Variants in ZNF469 observed in about 807,000 individuals in gnomAD.
ZNF469 encodes zinc finger protein 469.
A neutral mutation model predicts 1.0 loss-of-function variants in ZNF469; 1 was observed. The observed-to-expected ratio is 1.00, with a 90% confidence interval of 0.35 to 4.73. The LOEUF is 4.73. ZNF469 is among the 30% of genes most tolerant of loss of function. The pLI, the probability that ZNF469 is intolerant of heterozygous loss-of-function variation, is 0.16. For missense variants in ZNF469, 6,100 were observed against 5,356.3 expected (o/e 1.14, Z -4.33); for synonymous variants, 2,703 against 2,363.4 (o/e 1.14, Z -4.17).
At chr16:88,183,325 C>T in the ZNF469 span, among the ~76,000 whole-genome samples, 1 of 152,184 alleles carries the variant, frequency 6.6e-6, no homozygotes. Context: ...AATGAAACTG[C>T]ACGTCCCCAC....
chr16:88,321,682 T>C, the ZNF469 span, among the ~76,000 whole-genome samples: 1 of 152,142 alleles, frequency 6.6e-6, no homozygotes, highest in Non-Finnish European at 1.5e-5. Context: ...CCTCACCTGA[T>C]TGGTGTGGCC....
At chr16:88,263,694 G>A in the ZNF469 span, among the ~76,000 whole-genome samples, 8 of 152,242 alleles carry the variant, frequency 5.3e-5, no homozygotes, top group Admixed American at 5.2e-4. Flanking sequence ...CAGAGGACCC[G>A]TAGCCCCTTG....
the ZNF469 span, among the ~76,000 whole-genome samples, chr16:88,302,213 C>T: frequency 5.9e-5 from 9 of 152,282 alleles, no homozygotes; most frequent in South Asian, 8.3e-4. Context: ...GGTTACCTGC[C>T]GTCTGACCCG....
intron 1 of ZNF469, among the ~76,000 whole-genome samples, chr16:88,385,357 C>G (rs1047426733): frequency 6.6e-6 from 1 of 152,048 alleles, no homozygotes; most frequent in African/African-American, 2.4e-5. Flanking sequence ...AATTCAGTTA[C>G]CAGCCGGGGA....
chr16:88,414,760 C>A (rs888198972), intron 1 of ZNF469, among the ~76,000 whole-genome samples: 1 of 152,250 alleles, frequency 6.6e-6, no homozygotes, highest in Admixed American at 6.5e-5. Flanking sequence ...AGTGCCCGGG[C>A]GGCACAGGGC....
chr16:88,439,775 G>A lies in ZNF469; in HGVS notation c.*443G>A, dbSNP rs1203825069. 4.2e-6 allele frequency: 1 copy of A among 239,114 alleles called. No homozygotes were observed. Among genetic ancestry groups the A allele is most frequent in the Non-Finnish European group, 8.2e-6 (1 of 121,474 alleles). The allele number at this position is 239,114 out of a possible 1,614,324, so 14.8% of individuals were successfully genotyped here. On this transcript the variant is annotated 3_prime_UTR_variant, in exon 3 of 3. Coordinates refer to ENST00000565624, the MANE Select transcript of ZNF469 (RefSeq NM_001367624.2). ...TAGGTTCCCTCTTAGTCTTGCTGCT[G>A]TTGCTGGAATTCCAAAGTGACCTTA...
At position 88,429,334 on chromosome 16, in the gene ZNF469, G is replaced by A. The variant is rs1464836346; in HGVS notation, c.1864G>A (p.Glu622Lys). The change falls in exon 3 of 3, where the codon GAA becomes AAA. Residue 622 changes from glutamate (E) to lysine (K), a missense_variant. Physicochemically the swap from Glu to Lys is moderately conservative, Grantham distance 56. Coordinates refer to ENST00000565624, the MANE Select transcript of ZNF469 (RefSeq NM_001367624.2). ...SSSPANPSSE[E>K]SQLPGPLGPS... is the part of the protein sequence containing the mutation. ...CAGCCCAGCCAACCCCAGCTCAGAGGAAAGCCAGCTCCCCGGCCCCCTCGG... is the reference window on the plus strand; with the variant it reads ...CAGCCCAGCCAACCCCAGCTCAGAGAAAAGCCAGCTCCCCGGCCCCCTCGG... 1.9e-6 allele frequency: 3 copies of A among 1,549,934 alleles called. No homozygotes were observed. The highest frequency in any genetic ancestry group is 1.2e-5 in the South Asian group (1 of 84,062).
rs929500436 is a variant in ZNF469, at chr16:88,429,946, C to G, written c.2476C>G (p.Pro826Ala). 6.5e-7 allele frequency: 1 copy of G among 1,550,178 alleles called. No homozygotes were observed. The highest frequency in any genetic ancestry group is 2.0e-5 in the Admixed American group (1 of 50,994). The part of the protein sequence containing the change: ...FLPSLAATPF[P>A]LPASDLDMED... ...GCCCAGCCTGGCCGCCACCCCCTTC[C>G]CGCTCCCTGCCTCGGACCTGGACAT... Residue 826 changes from proline to alanine, a missense_variant, in exon 3 of 3, where the codon CCG (proline) becomes GCG (alanine). Physicochemically the swap from Pro to Ala is conservative, Grantham distance 27. Coordinates refer to ENST00000565624, the MANE Select transcript of ZNF469 (RefSeq NM_001367624.2).
the ZNF469 span, among the ~76,000 whole-genome samples, chr16:88,349,808 C>A: frequency 0.044 from 86 of 1,972 alleles, no homozygotes; most frequent in East Asian, 0.11. Context: ...ACATTACACA[C>A]ATCACAAATG....
chr16:88,364,452 A>G, the ZNF469 span, among the ~76,000 whole-genome samples: 1 of 148,730 alleles, frequency 6.7e-6, no homozygotes, highest in South Asian at 2.2e-4. Context: ...GCTTTTCCAC[A>G]CAAATTCTAG....
At chr16:88,186,686 G>C in the ZNF469 span, among the ~76,000 whole-genome samples, 7 of 152,198 alleles carry the variant, frequency 4.6e-5, no homozygotes, top group Non-Finnish European at 1.0e-4. Context: ...AGTCGCACAC[G>C]GGGCTTCTGA....
the ZNF469 span, among the ~76,000 whole-genome samples, chr16:88,185,704 C>G: frequency 2.0e-5 from 3 of 151,360 alleles, no homozygotes; most frequent in Admixed American, 6.6e-5. Context: ...CGCACACTCA[C>G]ACACGTGAAT....
At chr16:88,254,679 T>C in the ZNF469 span, among the ~76,000 whole-genome samples, 2 of 152,080 alleles carry the variant, frequency 1.3e-5, no homozygotes, top group Admixed American at 1.3e-4. Flanking sequence ...AATTGCTTGA[T>C]CCTGGGAGGC....
the ZNF469 span, among the ~76,000 whole-genome samples, chr16:88,113,655 A>T: frequency 6.6e-6 from 1 of 152,214 alleles, no homozygotes; most frequent in Non-Finnish European, 1.5e-5. Context: ...TCGCAGCTGA[A>T]GGGCCTATCG....
the ZNF469 span, among the ~76,000 whole-genome samples, chr16:88,224,467 G>T: frequency 2.0e-5 from 3 of 152,312 alleles, no homozygotes; most frequent in East Asian, 3.9e-4. Context: ...CTGTTTCATG[G>T]TCCCCAGCAA....
At chr16:88,366,133 A>C in the ZNF469 span, among the ~76,000 whole-genome samples, 1 of 151,188 alleles carries the variant, frequency 6.6e-6, no homozygotes. Flanking sequence ...CATCACCATC[A>C]TCATCACCAT....
chr16:88,305,558 T>A, the ZNF469 span, among the ~76,000 whole-genome samples: 4 of 76,898 alleles, frequency 5.2e-5, no homozygotes, highest in Non-Finnish European at 8.0e-5. Context: ...GTGCACACCC[T>A]CACACGTGCA....
chr16:88,195,676 G>A, the ZNF469 span, among the ~76,000 whole-genome samples: 14 of 152,344 alleles, frequency 9.2e-5, no homozygotes, highest in South Asian at 4.1e-4. Context: ...GCAGATGGAC[G>A]TTTGAAGAAA....
rs1567512989 is a variant in ZNF469, at chr16:88,432,258, G to C, written c.4788G>C (p.Arg1596Ser). 6.5e-7 allele frequency: 1 copy of C among 1,547,902 alleles called. No homozygotes were observed. The highest frequency in any genetic ancestry group is 2.4e-5 in the East Asian group (1 of 40,906). ...RELAEAESVG[R>S]VELGTGTEPP... ...TTGCAGAAGCTGAGTCGGTGGGCAG[G>C]GTGGAGCTCGGCACAGGCACAGAGC... The change falls in exon 3 of 3, where the codon AGG (arginine) becomes AGC (serine). Residue 1596 changes from arginine to serine, a missense_variant. Coordinates refer to ENST00000565624, the MANE Select transcript of ZNF469 (RefSeq NM_001367624.2).
Sources: allele counts gnomAD v4.1 joint callset (sites outside exome capture counted in the v4.1 genomes callset), GRCh38; gene constraint gnomAD v4.1.1; transcripts MANE v1.5; gene names NCBI Gene and HGNC (gene_info 2026-07-23, HGNC 2026-07-21).